PLCL1: variants seen among roughly 807,000 people sequenced by gnomAD.
PLCL1 encodes the protein inactive phospholipase C-like protein 1.
Under a neutral mutation model 84.4 loss-of-function variants are expected in PLCL1, and 41 were observed. The observed-to-expected ratio is 0.49, with a 90% CI of 0.38 to 0.63. The LOEUF is 0.63. Among genes scored for constraint, PLCL1 ranks in the 30% least tolerant of loss-of-function variants. The pLI is 0.00. For missense variants in PLCL1, 1,206 were observed against 1,367.8 expected, an observed-to-expected ratio of 0.88 and a Z score of 1.87; for synonymous variants, 490 against 488.3, an observed-to-expected ratio of 1.00 and a Z score of -0.05.
chr2:198,015,877 G>C (rs898602917), intron 1 of PLCL1, among the ~76,000 whole-genome samples: 16 of 152,084 alleles, frequency 1.1e-4, no homozygotes, highest in African/African-American at 3.1e-4. Flanking sequence ...TAAAACAGTG[G>C]TGCTTAGAAT....
At chr2:198,040,840 C>A (rs1202354214) in intron 1 of PLCL1, among the ~76,000 whole-genome samples, 1 of 152,086 alleles carries the variant, frequency 6.6e-6, no homozygotes, top group African/African-American at 2.4e-5. Context: ...CATGTAGAAA[C>A]TGATAGATGA....
chr2:198,022,392 T>C (rs1433348798), intron 1 of PLCL1, among the ~76,000 whole-genome samples: 1 of 152,172 alleles, frequency 6.6e-6, no homozygotes, highest in African/African-American at 2.4e-5. Flanking sequence ...TATTGGAAGT[T>C]CTGGCCAGGG....
Position 197,805,247 on chromosome 2 carries a change from G to A in PLCL1, c.148G>A (p.Ala50Thr). ...GATGAGGGACCGTCGCAGCGGGGTC[G>A]CACTGCCAGGCGCCGCGGGGACCCC... Reference protein sequence around the residue: ...GRMRDRRSGVALPGAAGTPAD... With the variant: ...GRMRDRRSGVTLPGAAGTPAD... The change falls in exon 1 of 6, where the codon GCA (alanine) becomes ACA (threonine). Residue 50 changes from alanine (A) to threonine (T), a missense_variant. Coordinates refer to ENST00000428675, the MANE Select transcript of PLCL1 (RefSeq NM_006226.4). The surrounding 1 kb of genome is among the most constrained non-coding windows in gnomAD (Gnocchi z 4.0). 1 of 1,268,588 alleles carries A rather than the reference G, an allele frequency of 7.9e-7. No homozygotes were observed. Among genetic ancestry groups the A allele is most frequent in the East Asian group, 3.1e-5 (1 of 31,842 alleles). 78.6% of individuals were successfully genotyped at this position (1,268,588 alleles called of 1,614,324 possible).
At chr2:198,017,881 T>A (rs916297692) in intron 1 of PLCL1, among the ~76,000 whole-genome samples, 3 of 152,222 alleles carry the variant, frequency 2.0e-5, no homozygotes, top group African/African-American at 7.2e-5. Context: ...TGTGGGAATT[T>A]CAAAGATAAA....
chr2:197,904,160 T>C (rs1181666230), intron 1 of PLCL1, among the ~76,000 whole-genome samples: 2 of 152,178 alleles, frequency 1.3e-5, no homozygotes, highest in African/African-American at 4.8e-5. Flanking sequence ...TCATTAGATA[T>C]GTGAAAGGTG....
intron 1 of PLCL1, among the ~76,000 whole-genome samples, chr2:197,906,859 CTGTT>C (rs1184768980): frequency 1.3e-5 from 2 of 152,042 alleles, no homozygotes; most frequent in Admixed American, 6.6e-5. Context: ...ATTTGGCTCT[CTGTT>C]TGTCTGTTAT....
intron 1 of PLCL1, among the ~76,000 whole-genome samples, chr2:197,846,213 G>A (rs780529063): frequency 6.4e-4 from 98 of 152,262 alleles, no homozygotes; most frequent in Middle Eastern, 3.4e-3. Context: ...GAAGGATTAT[G>A]TGTCTGCATG....
intron 1 of PLCL1, among the ~76,000 whole-genome samples, chr2:197,835,202 G>A (rs538045396): frequency 3.9e-5 from 6 of 152,208 alleles, no homozygotes; most frequent in East Asian, 1.9e-4. Flanking sequence ...TGTAGATGAC[G>A]GGTTGATGGG....
At chr2:197,870,940 A>C (rs1687639941) in intron 1 of PLCL1, among the ~76,000 whole-genome samples, 1 of 151,956 alleles carries the variant, frequency 6.6e-6, no homozygotes, top group Non-Finnish European at 1.5e-5. Flanking sequence ...ATCTGATACC[A>C]TCCGTGATTC....
intron 1 of PLCL1, among the ~76,000 whole-genome samples, chr2:198,073,433 A>C (rs1692507202): frequency 6.6e-6 from 1 of 152,200 alleles, no homozygotes; most frequent in Non-Finnish European, 1.5e-5. Context: ...AAAGTGTTAG[A>C]TAGTTCTAAC....
intron 5 of PLCL1, among the ~76,000 whole-genome samples, chr2:198,130,508 A>T (rs1284978499): frequency 6.6e-6 from 1 of 151,944 alleles, no homozygotes; most frequent in Non-Finnish European, 1.5e-5. Context: ...ATCCCTGCTC[A>T]TCCTCCCATA....
At chr2:198,082,863 C>A (rs1367767577) in intron 1 of PLCL1, among the ~76,000 whole-genome samples, 1 of 152,118 alleles carries the variant, frequency 6.6e-6, no homozygotes, top group East Asian at 1.9e-4. Context: ...GCTTAAGATA[C>A]CCTCTTCTGA....
At chr2:197,883,618 GT>G (rs1687868967) in intron 1 of PLCL1, among the ~76,000 whole-genome samples, 1 of 152,150 alleles carries the variant, frequency 6.6e-6, no homozygotes, top group African/African-American at 2.4e-5. Context: ...TCAGAATGAA[GT>G]TCAGCATATA....
Position 197,810,962 on chromosome 2 carries a change from G to T in PLCL1, c.240+5623G>T, listed in dbSNP as rs1001848448. ...TGAGCCATTGGTTATAAGAAGGAGGGAGAGAATCATTGTGTTGGACTTTAC... is the reference window on the plus strand; with the variant it reads ...TGAGCCATTGGTTATAAGAAGGAGGTAGAGAATCATTGTGTTGGACTTTAC... On this transcript the variant is annotated intron_variant, in intron 1 of 5. Transcript: ENST00000428675. 2.6e-5 allele frequency among the ~76,000 whole-genome samples: 4 copies of T among 152,180 alleles called. No individual in the cohort carries two copies. In the East Asian group the frequency reaches 7.7e-4, roughly 29 times the overall value.
Position 197,807,730 on chromosome 2 carries a change from A to G in PLCL1, c.240+2391A>G, listed in dbSNP as rs372005174. On this transcript the variant is annotated intron_variant, in intron 1 of 5. Coordinates refer to ENST00000428675, the MANE Select transcript of PLCL1 (RefSeq NM_006226.4). ...TGGCATTGAAATGTACACAAAGAAG[A>G]AAAGCTTTAGTACATTTTAATCAAA... 8.5e-5 allele frequency among the ~76,000 whole-genome samples: 13 copies of G among 152,350 alleles called. 1 individual carries two copies. Among genetic ancestry groups the G allele is most frequent in the African/African-American group, 3.1e-4 (13 of 41,586 alleles).
Position 198,084,014 on chromosome 2 carries a change from T to A in PLCL1, c.497T>A (p.Ile166Asn). ...CTTGATATTTCTGCCATAAAAGAGA[T>A]CAGACTGGGGAAAAACACGGAAACA... is the stretch of plus-strand genomic sequence containing the variant. Reference protein sequence around the residue: ...AKLDISAIKEIRLGKNTETFR... With the variant: ...AKLDISAIKENRLGKNTETFR... The change falls in exon 2 of 6, where the codon ATC (isoleucine) becomes AAC (asparagine). Residue 166 changes from isoleucine (I) to asparagine (N), a missense_variant. Physicochemically the swap from Ile to Asn is moderately radical, Grantham distance 149 (BLOSUM62 -3). Coordinates refer to ENST00000428675, the MANE Select transcript of PLCL1 (RefSeq NM_006226.4). The A allele has an allele frequency of 1.2e-6, 2 of 1,614,100 alleles. No individual in the cohort carries two copies. Among genetic ancestry groups the A allele is most frequent in the Non-Finnish European group, 1.7e-6 (2 of 1,180,008 alleles).
At chr2:197,834,646 A>G (rs1315265797) in intron 1 of PLCL1, among the ~76,000 whole-genome samples, 1 of 152,200 alleles carries the variant, frequency 6.6e-6, no homozygotes, top group Non-Finnish European at 1.5e-5. Context: ...AAGTCAGGAA[A>G]CAACACATGC....
At position 197,833,136 on chromosome 2, in the gene PLCL1, C is replaced by T. The variant is rs540334205; in HGVS notation, c.240+27797C>T. Among the ~76,000 whole-genome samples, 23 of 152,194 alleles carry T rather than the reference C, an allele frequency of 1.5e-4. No homozygotes were observed. The South Asian group carries it at 2.5e-3, about 16-fold the overall frequency. On this transcript the variant is annotated intron_variant, in intron 1 of 5. Coordinates refer to ENST00000428675, the MANE Select transcript of PLCL1 (RefSeq NM_006226.4). ...AGAATCACTTGAGCCCGGGAGGCAG[C>T]TTCAGGCTAAAAACTCTCAATAAGG... is the stretch of plus-strand genomic sequence containing the variant.
At chr2:198,121,363 G>A (rs950280671) in intron 5 of PLCL1, among the ~76,000 whole-genome samples, 6 of 152,000 alleles carry the variant, frequency 3.9e-5, no homozygotes, top group Admixed American at 2.6e-4. Context: ...TTGTGCTTGT[G>A]GGGTATTACT....
Sources: gnomAD v4.1 joint callset for allele counts (sites outside exome capture counted in the v4.1 genomes callset) on GRCh38, gnomAD v4.1.1 for gene constraint, Gnocchi (gnomAD v3.1) non-coding constraint, MANE v1.5 for transcripts, NCBI Gene and HGNC (gene_info 2026-07-23, HGNC 2026-07-21) for gene names.